RORA: variants seen among roughly 807,000 people sequenced by gnomAD.
RORA encodes the protein nuclear receptor ROR-alpha.
RORA carries 7 observed loss-of-function variants against 69.5 expected under a neutral mutation model. The ratio of observed to expected loss-of-function variants is 0.10; its 90% confidence interval spans 0.06 to 0.19. The LOEUF (loss-of-function observed/expected upper bound fraction) is 0.19. RORA is among the 10% of genes least tolerant of loss of function. RORA has a pLI of 1.00. For missense variants in RORA, 457 were observed against 663.0 expected, an observed-to-expected ratio of 0.69 and a Z score of 3.41; for synonymous variants, 261 against 240.8, an observed-to-expected ratio of 1.08 and a Z score of -0.78.
At chr15:60,548,847 G>T (rs551336889) in intron 2 of RORA, among the ~76,000 whole-genome samples, 1 of 151,954 alleles carries the variant, frequency 6.6e-6, no homozygotes, top group Non-Finnish European at 1.5e-5. Flanking sequence ...CCGTGGTCTC[G>T]ATCTCCTGAC....
At chr15:61,140,381 C>A (rs1010126423) in intron 1 of RORA, among the ~76,000 whole-genome samples, 23 of 152,146 alleles carry the variant, frequency 1.5e-4, no homozygotes, top group Non-Finnish European at 5.9e-5. Context: ...TGATTAATAA[C>A]CCCCGCCAAA....
At chr15:61,144,910 T>A (rs1215654507) in intron 1 of RORA, among the ~76,000 whole-genome samples, 1 of 152,234 alleles carries the variant, frequency 6.6e-6, no homozygotes, top group African/African-American at 2.4e-5. Flanking sequence ...TCGCTGTATA[T>A]CCTTTTACAG....
chr15:61,143,257 G>T (rs890114254), intron 1 of RORA, among the ~76,000 whole-genome samples: 23 of 151,944 alleles, frequency 1.5e-4, no homozygotes, highest in African/African-American at 5.3e-4. Context: ...AATAAATTTA[G>T]AAAAGTATAG....
At position 61,061,773 on chromosome 15, in the gene RORA, G is replaced by A. The variant is rs754904818; in HGVS notation, c.166+167280C>T. The stretch of plus-strand genomic sequence containing the variant: ...TGCATATAGGAAGCACTCAATAAAT[G>A]TTAGTAAGGCCGGGCACGGTGGTTC... On this transcript the variant is annotated intron_variant, in intron 1 of 10. Coordinates refer to ENST00000335670, the MANE Select transcript of RORA (RefSeq NM_134261.3). The surrounding 1 kb of genome is among the most constrained non-coding windows in gnomAD (Gnocchi z 4.4). 2.0e-5 allele frequency among the ~76,000 whole-genome samples: 3 copies of A among 152,028 alleles called. No individual in the cohort carries two copies. The highest frequency in any genetic ancestry group is 7.2e-5 in the African/African-American group (3 of 41,396).
Position 61,057,969 on chromosome 15 carries a change from A to T in RORA, c.166+171084T>A, listed in dbSNP as rs2078118888. ...ATTCAGCAAAAGATCCTGTGGGACTAAGGATTTTGCGAGTCATTCTTACAT... is the reference window on the plus strand; with the variant it reads ...ATTCAGCAAAAGATCCTGTGGGACTTAGGATTTTGCGAGTCATTCTTACAT... On this transcript the variant is annotated intron_variant, in intron 1 of 10. Transcript: ENST00000335670. Among the ~76,000 whole-genome samples the T allele has an allele frequency of 1.3e-5, 2 of 152,180 alleles. 1 individual carries two copies. Among genetic ancestry groups the T allele is most frequent in the South Asian group, 4.1e-4 (2 of 4,830 alleles).
chr15:60,869,473 C>T (rs1355960778), intron 1 of RORA, among the ~76,000 whole-genome samples: 2 of 152,146 alleles, frequency 1.3e-5, no homozygotes. Flanking sequence ...GCTTAATACT[C>T]CTGAGTTCAG....
intron 1 of RORA, among the ~76,000 whole-genome samples, chr15:60,989,943 T>C (rs2140368590): frequency 6.6e-6 from 1 of 152,348 alleles, no homozygotes; most frequent in East Asian, 1.9e-4. Context: ...CCACCCACTA[T>C]ACTTAGAACT....
intron 1 of RORA, among the ~76,000 whole-genome samples, chr15:60,788,179 C>T (rs1284717938): frequency 6.6e-6 from 1 of 152,160 alleles, no homozygotes; most frequent in Non-Finnish European, 1.5e-5. Flanking sequence ...CTGAAATTTC[C>T]GGGCTGAGTG....
chr15:61,111,329 G>A (rs2079004574), intron 1 of RORA, among the ~76,000 whole-genome samples: 1 of 152,170 alleles, frequency 6.6e-6, no homozygotes, highest in Admixed American at 6.5e-5. Flanking sequence ...ATGCTTACTG[G>A]TGCACTGGTT....
rs945475876 is a variant in RORA, at chr15:60,537,389, A to C, written c.197-5538T>G. Among the ~76,000 whole-genome samples the C allele has an allele frequency of 6.6e-6, 1 of 152,200 alleles. No individual in the cohort carries two copies. Among genetic ancestry groups the C allele is most frequent in the African/African-American group, 2.4e-5 (1 of 41,442 alleles). On this transcript the variant is annotated intron_variant, in intron 2 of 10. Transcript: ENST00000335670. The surrounding 1 kb of genome is among the most constrained non-coding windows in gnomAD (Gnocchi z 4.9). ...CCTGGAGAGAGGAAACCTTTCTTCA[A>C]TCTGTCTACCCAGACAAGCTCCCTT...
At chr15:60,811,006 G>A (rs2072735396) in intron 1 of RORA, among the ~76,000 whole-genome samples, 1 of 152,154 alleles carries the variant, frequency 6.6e-6, no homozygotes, top group Non-Finnish European at 1.5e-5. Context: ...TCCAGTTGCT[G>A]CTTAGAGATA....
chr15:60,960,807 T>C (rs917725724), intron 1 of RORA, among the ~76,000 whole-genome samples: 3 of 152,204 alleles, frequency 2.0e-5, no homozygotes, highest in Admixed American at 2.0e-4. Context: ...TTGGTCTCCC[T>C]GCATCACCAC....
intron 2 of RORA, among the ~76,000 whole-genome samples, chr15:60,668,652 A>G (rs777232691): frequency 2.8e-4 from 43 of 152,266 alleles, no homozygotes; most frequent in Non-Finnish European, 4.7e-4. Flanking sequence ...GTAACAATCA[A>G]TTATCCCGAC....
In RORA at chr15:60,945,650, T is replaced by C. The variant is rs369762018; in HGVS notation, c.167-266964A>G. 3.1e-4 allele frequency among the ~76,000 whole-genome samples: 47 copies of C among 152,338 alleles called. No homozygotes were observed. The East Asian group carries it at 7.3e-3, about 24-fold the overall frequency. ...CAGAAGTAGTGTTAGAAATAAAGGATTGCAGACAAAACTGTACTTTGGAAA... is the reference window on the plus strand; with the variant it reads ...CAGAAGTAGTGTTAGAAATAAAGGACTGCAGACAAAACTGTACTTTGGAAA... On this transcript the variant is annotated intron_variant, in intron 1 of 10. Transcript: ENST00000335670.
intron 2 of RORA, among the ~76,000 whole-genome samples, chr15:60,585,513 T>C (rs2068308489): frequency 6.6e-6 from 1 of 152,180 alleles, no homozygotes. Flanking sequence ...TACTAAATGT[T>C]TATCATTTTT....
intron 1 of RORA, among the ~76,000 whole-genome samples, chr15:60,850,455 G>T (rs532641473): frequency 6.6e-6 from 1 of 152,112 alleles, no homozygotes; most frequent in Non-Finnish European, 1.5e-5. Flanking sequence ...CATGACTCCT[G>T]GGGAGGTTAC....
intron 1 of RORA, among the ~76,000 whole-genome samples, chr15:61,195,170 A>T (rs2079836175): frequency 6.6e-6 from 1 of 152,076 alleles, no homozygotes; most frequent in Admixed American, 6.6e-5. Context: ...TGACTCTGTA[A>T]GATTTTAGGT....
chr15:60,580,526 T>G (rs1363075412), intron 2 of RORA, among the ~76,000 whole-genome samples: 2 of 152,318 alleles, frequency 1.3e-5, no homozygotes, highest in East Asian at 1.9e-4. Flanking sequence ...GGTATAGAAT[T>G]CACTACTCAA....
At chr15:60,543,130 G>A (rs1466199619) in intron 2 of RORA, among the ~76,000 whole-genome samples, 3 of 135,774 alleles carry the variant, frequency 2.2e-5, no homozygotes, top group Admixed American at 7.5e-5. Context: ...GTCTTGTTAC[G>A]TTAGCTTCAC....
Sources: allele counts gnomAD v4.1 joint callset (sites outside exome capture counted in the v4.1 genomes callset), GRCh38; gene constraint gnomAD v4.1.1; non-coding constraint Gnocchi (gnomAD v3.1); transcripts MANE v1.5; gene names NCBI Gene and HGNC (gene_info 2026-07-23, HGNC 2026-07-21).